The following DNAH6 variants were observed in gnomAD, a reference collection of about 807,000 sequenced individuals.
DNAH6 encodes axonemal beta dynein heavy chain 6.
A neutral mutation model predicts 491.4 loss-of-function variants in DNAH6; 340 were observed. That is an observed-to-expected ratio of 0.69 (90% CI 0.63 to 0.76). DNAH6 has a LOEUF of 0.76. Ranked by LOEUF, DNAH6 falls within the 30% of genes least tolerant of loss-of-function variation. The pLI, the probability that DNAH6 is intolerant of heterozygous loss-of-function variation, is 0.00. For synonymous variants in DNAH6, 1,603 were observed against 1,686.1 expected, an observed-to-expected ratio of 0.95 and a Z score of 1.21; for missense variants, 4,443 against 4,972.2, an observed-to-expected ratio of 0.89 and a Z score of 3.20.
chr2:84,469,854 C>A, the DNAH6 span, among the ~76,000 whole-genome samples: 1 of 152,150 alleles, frequency 6.6e-6, no homozygotes, highest in Non-Finnish European at 1.5e-5. The surrounding 1 kb of genome is among the most constrained non-coding windows in gnomAD (Gnocchi z 4.0). Context: ...TGTACTTAGC[C>A]AAGAGGGACT....
chr2:84,503,256 GGAAGA>G, the DNAH6 span, among the ~76,000 whole-genome samples: 2 of 152,018 alleles, frequency 1.3e-5, no homozygotes, highest in African/African-American at 4.8e-5. Flanking sequence ...AACAAACAAA[GGAAGA>G]GAAAACTAAT....
intron 9 of DNAH6, among the ~76,000 whole-genome samples, chr2:84,551,907 G>A (rs891517282): frequency 6.6e-6 from 1 of 152,126 alleles, no homozygotes; most frequent in Non-Finnish European, 1.5e-5. Flanking sequence ...AATTAGCCAG[G>A]CATGGTGGTG....
chr2:84,710,740 T>C (rs561273545), intron 56 of DNAH6, among the ~76,000 whole-genome samples: 45 of 152,136 alleles, frequency 3.0e-4, no homozygotes, highest in Admixed American at 1.5e-3. Flanking sequence ...ATTATGTACA[T>C]ACAATAATGA....
chr2:84,611,356 C>T (rs1428532227), intron 21 of DNAH6, among the ~76,000 whole-genome samples: 3 of 152,068 alleles, frequency 2.0e-5, no homozygotes, highest in Non-Finnish European at 4.4e-5. Context: ...CTTTCCTCTT[C>T]CCTTCAGATT....
At chr2:84,600,436 C>T (rs1021995430) in intron 18 of DNAH6, among the ~76,000 whole-genome samples, 9 of 152,008 alleles carry the variant, frequency 5.9e-5, no homozygotes, top group Non-Finnish European at 1.2e-4. Flanking sequence ...ACATCCTTTT[C>T]TTTTTCCATC....
the DNAH6 span, among the ~76,000 whole-genome samples, chr2:84,461,466 C>G: frequency 6.6e-6 from 1 of 152,168 alleles, no homozygotes; most frequent in African/African-American, 2.4e-5. Context: ...CTAGTCAATA[C>G]CACACCACTC....
At chr2:84,661,225 A>G (rs1691473587) in intron 37 of DNAH6, among the ~76,000 whole-genome samples, 1 of 152,128 alleles carries the variant, frequency 6.6e-6, no homozygotes, top group South Asian at 2.1e-4. Flanking sequence ...TAAAGGTCAC[A>G]GTCTATTAAC....
At chr2:84,468,527 G>A in the DNAH6 span, among the ~76,000 whole-genome samples, 1 of 152,114 alleles carries the variant, frequency 6.6e-6, no homozygotes, top group African/African-American at 2.4e-5. Flanking sequence ...GATATTTCTG[G>A]CTTTTGAACT....
In DNAH6 at chr2:84,577,412, A is replaced by G; in HGVS notation, c.2076+4A>G. 1 of 1,559,068 alleles carries G rather than the reference A, an allele frequency of 6.4e-7. No individual in the cohort carries two copies. ...ATCACCTTTGCGATGCTTAGAGGTA[A>G]CTATAAACTAGAAAAAAAAATAATT... On this transcript the variant is annotated splice_donor_region_variant and intron_variant, in intron 13 of 76. Transcript: ENST00000389394.
chr2:84,589,081 A>G, intron 16 of DNAH6, 127 bp downstream of exon 16: 1 of 832,306 alleles, frequency 1.2e-6, no homozygotes, highest in East Asian at 3.2e-5. Context: ...TCAGCATGCT[A>G]CAAATAGTCT....
chr2:84,486,754 C>T, the DNAH6 span, among the ~76,000 whole-genome samples: 1 of 151,914 alleles, frequency 6.6e-6, no homozygotes, highest in African/African-American at 2.4e-5. Context: ...TATTTCACCA[C>T]ATATGCAATA....
At chr2:84,560,090 G>T (rs1680487151) in intron 11 of DNAH6, among the ~76,000 whole-genome samples, 1 of 152,106 alleles carries the variant, frequency 6.6e-6, no homozygotes, top group Admixed American at 6.5e-5. Context: ...GTGTCTGTAA[G>T]AGAAAATCAA....
At chr2:84,648,799 CTG>C (rs1034214116) in intron 33 of DNAH6, among the ~76,000 whole-genome samples, 3 of 152,216 alleles carry the variant, frequency 2.0e-5, no homozygotes, top group African/African-American at 7.2e-5. Context: ...ACAAAAGACT[CTG>C]TTGCATAAAT....
chr2:84,693,944 T>C (rs1695126186), intron 45 of DNAH6, among the ~76,000 whole-genome samples: 1 of 152,214 alleles, frequency 6.6e-6, no homozygotes, highest in Non-Finnish European at 1.5e-5. Context: ...GTGGCCTAGA[T>C]CGGCTAGGGT....
intron 41 of DNAH6, among the ~76,000 whole-genome samples, chr2:84,680,050 G>C (rs1010654324): frequency 6.6e-6 from 1 of 152,206 alleles, no homozygotes; most frequent in African/African-American, 2.4e-5. Flanking sequence ...TTGGGTTTGA[G>C]ATGGTCCTAC....
chr2:84,550,099 T>C (rs1679182665), intron 9 of DNAH6, 42 bp downstream of exon 9: 1 of 1,523,576 alleles, frequency 6.6e-7, no homozygotes, highest in Non-Finnish European at 9.0e-7. Flanking sequence ...TGGTCAGCAT[T>C]TATTGAGGAG....
At chr2:84,781,390 G>A in intron 64 of DNAH6, 103 bp from the exon 65 acceptor site, 6 of 969,338 alleles carry the variant, frequency 6.2e-6, no homozygotes, top group Non-Finnish European at 8.8e-6. Context: ...GATTCAAAAT[G>A]TTTATATATC....
chr2:84,637,491 T>A, intron 31 of DNAH6, 114 bp downstream of exon 31: 1 of 1,167,060 alleles, frequency 8.6e-7, no homozygotes, highest in Non-Finnish European at 1.2e-6. Flanking sequence ...TGGTTACACA[T>A]TATTAAGTGT....
intron 18 of DNAH6, among the ~76,000 whole-genome samples, chr2:84,602,527 A>G (rs1024211734): frequency 1.1e-4 from 5 of 47,134 alleles, no homozygotes; most frequent in African/African-American, 3.3e-4. Flanking sequence ...TACTTTCAAG[A>G]TTTTCTCTTC....
Sources: gnomAD v4.1 joint callset for allele counts (sites outside exome capture counted in the v4.1 genomes callset) on GRCh38, gnomAD v4.1.1 for gene constraint, Gnocchi (gnomAD v3.1) non-coding constraint, MANE v1.5 for transcripts, NCBI Gene and HGNC (gene_info 2026-07-23, HGNC 2026-07-21) for gene names.